Variants in ZFP41 observed in about 807,000 individuals in gnomAD.
ZFP41 encodes the protein ZFP41 zinc finger protein, also known as zinc finger protein 41 homolog.
ZFP41 carries 10 observed loss-of-function variants against 11.6 expected under a neutral mutation model. The ratio of observed to expected loss-of-function variants is 0.86; its 90% confidence interval spans 0.53 to 1.47. The LOEUF is 1.47. Ranked by LOEUF, ZFP41 falls within the 40% of genes most tolerant of loss-of-function variation. ZFP41 has a pLI of 0.00. For synonymous variants in ZFP41, 123 were observed against 100.9 expected (o/e 1.22, Z -1.31); for missense variants, 302 against 264.6 (o/e 1.14, Z -0.98).
chr8:143,250,221 C>T lies in ZFP41; in HGVS notation c.378C>T (p.His126=). The T allele has an allele frequency of 1.9e-6, 3 of 1,614,060 alleles. No homozygotes were observed. Among genetic ancestry groups the T allele is most frequent in the Non-Finnish European group, 2.5e-6 (3 of 1,180,020 alleles). The change falls in exon 2 of 3, where the codon CAC becomes CAT. Residue 126 remains histidine, a synonymous_variant. Coordinates refer to ENST00000330701, the MANE Select transcript of ZFP41 (RefSeq NM_173832.6). ...KCAQCGKAFR[H]SSDVTKHQRT... Reference sequence around the variant, plus strand: ...CGCAGTGCGGGAAGGCCTTCCGGCACAGCTCTGACGTCACCAAACACCAGA... The same window carrying T: ...CGCAGTGCGGGAAGGCCTTCCGGCATAGCTCTGACGTCACCAAACACCAGA...
At chr8:143,255,162 C>T (rs968323314) in intron 2 of ZFP41, among the ~76,000 whole-genome samples, 22 of 152,144 alleles carry the variant, frequency 1.4e-4, no homozygotes, top group African/African-American at 5.1e-4. Context: ...AATCTGATGT[C>T]TTTGATTTCT....
chr8:143,252,368 C>T (rs758231270), intron 2 of ZFP41, among the ~76,000 whole-genome samples: 14 of 152,244 alleles, frequency 9.2e-5, no homozygotes, highest in Non-Finnish European at 1.3e-4. Context: ...GGCCCCACCC[C>T]GCCATGCCCC....
chr8:143,255,685 T>C (rs1160749076), intron 2 of ZFP41, among the ~76,000 whole-genome samples: 1 of 130,942 alleles, frequency 7.6e-6, no homozygotes, highest in African/African-American at 3.0e-5. Context: ...GTTAGTGAGA[T>C]CAGGGCTCGC....
intron 2 of ZFP41, among the ~76,000 whole-genome samples, chr8:143,253,959 G>GAATCCTCCCT (rs1271212678): frequency 1.6e-4 from 24 of 152,276 alleles, no homozygotes; most frequent in South Asian, 2.1e-4. Flanking sequence ...CTCATAAGGA[G>GAATCCTCCCT]CGTGCAACCT....
In ZFP41 at chr8:143,251,180, T is replaced by A. The variant is rs1814739314; in HGVS notation, c.*740T>A. Reference sequence around the variant, plus strand: ...ACCTGGATGGACTTGGGACAAAGGTTCCTCAGGACCTTGGACACCACCACC... The same window carrying A: ...ACCTGGATGGACTTGGGACAAAGGTACCTCAGGACCTTGGACACCACCACC... On this transcript the variant is annotated 3_prime_UTR_variant, in exon 2 of 3. Coordinates refer to ENST00000330701, the MANE Select transcript of ZFP41 (RefSeq NM_173832.6). 6.0e-6 allele frequency: 1 copy of A among 167,288 alleles called. No individual in the cohort carries two copies. The highest frequency in any genetic ancestry group is 2.4e-5 in the African/African-American group (1 of 41,474). 10.4% of individuals were successfully genotyped at this position (167,288 alleles called of 1,614,324 possible). A position where few individuals can be genotyped will look rare whatever the true frequency, so the allele number is the denominator to read the frequency against.
At position 143,260,384 on chromosome 8, in the gene ZFP41, GGGCTCCTGAC is replaced by G. The variant is rs1202765976; in HGVS notation, c.*1511_*1520del. 5 of 155,142 alleles carry G rather than the reference GGGCTCCTGAC, an allele frequency of 3.2e-5. No homozygotes were observed. The highest frequency in any genetic ancestry group is 1.2e-4 in the African/African-American group (5 of 41,466). The allele number at this position is 155,142 out of a possible 1,614,324, so 9.6% of individuals were successfully genotyped here. A position where few individuals can be genotyped will look rare whatever the true frequency, so the allele number is the denominator to read the frequency against. On this transcript the variant is annotated 3_prime_UTR_variant, in exon 3 of 3. Coordinates refer to ENST00000330701, the MANE Select transcript of ZFP41 (RefSeq NM_173832.6). ...TAGTGGGGCAGTGGGCGCGGGGCGG[GGGCTCCTGAC>G]TCCGGTGAGGTCACCCTGGAGGGGA...
At chr8:143,254,997 C>T (rs1814873229) in intron 2 of ZFP41, among the ~76,000 whole-genome samples, 1 of 152,114 alleles carries the variant, frequency 6.6e-6, no homozygotes, top group Admixed American at 6.5e-5. Context: ...TATTTAGGGC[C>T]AATAGGACGG....
At position 143,250,725 on chromosome 8, in the gene ZFP41, C is replaced by T. The variant is rs990609431; in HGVS notation, c.*285C>T. ...CATTTTCCAAGTTCCCGATGGCGAA[C>T]GGGGCTCAGCACCAGAGACCAGGGA... On this transcript the variant is annotated 3_prime_UTR_variant, in exon 2 of 3. Coordinates refer to ENST00000330701, the MANE Select transcript of ZFP41 (RefSeq NM_173832.6). 3 of 499,582 alleles carry T rather than the reference C, an allele frequency of 6.0e-6. No individual in the cohort carries two copies. The highest frequency in any genetic ancestry group is 1.1e-5 in the Non-Finnish European group (3 of 270,928). The allele number at this position is 499,582 out of a possible 1,614,324, so 30.9% of individuals were successfully genotyped here.
At position 143,249,705 on chromosome 8, in the gene ZFP41, G is replaced by T; in HGVS notation, c.-139G>T. ...TTCTCCCCAGCACCAAGAGGATGGT[G>T]GCCCTTGGCCTCCTGGTGCAGAGCA... is the stretch of plus-strand genomic sequence containing the variant. On this transcript the variant is annotated 5_prime_UTR_variant, in exon 2 of 3. Transcript: ENST00000330701. 1 of 1,353,448 alleles carries T rather than the reference G, an allele frequency of 7.4e-7. No individual in the cohort carries two copies. Among genetic ancestry groups the T allele is most frequent in the Non-Finnish European group, 9.8e-7 (1 of 1,024,094 alleles). 83.8% of individuals were successfully genotyped at this position (1,353,448 alleles called of 1,614,324 possible). A position where few individuals can be genotyped will look rare whatever the true frequency, so the allele number is the denominator to read the frequency against.
chr8:143,250,188 C>T lies in ZFP41; in HGVS notation c.345C>T (p.Phe115=). Residue 115 remains phenylalanine, a synonymous_variant, in exon 2 of 3, where the codon TTC becomes TTT. Transcript: ENST00000330701. Reference sequence around the variant, plus strand: ...GGGTCCACACTGGAGAGAAGCCCTTCAAGTGTGCGCAGTGCGGGAAGGCCT... The same window carrying T: ...GGGTCCACACTGGAGAGAAGCCCTTTAAGTGTGCGCAGTGCGGGAAGGCCT... The part of the protein sequence containing the change: ...HQRVHTGEKP[F]KCAQCGKAFR... The T allele has an allele frequency of 1.2e-6, 2 of 1,614,096 alleles. No individual in the cohort carries two copies. Among genetic ancestry groups the T allele is most frequent in the Non-Finnish European group, 1.7e-6 (2 of 1,180,036 alleles).
At chr8:143,253,790 A>G (rs1444949850) in intron 2 of ZFP41, among the ~76,000 whole-genome samples, 1 of 152,010 alleles carries the variant, frequency 6.6e-6, no homozygotes, top group African/African-American at 2.4e-5. Context: ...CACAGTAATG[A>G]GTGAGCTCTC....
chr8:143,256,068 A>T (rs111248327), intron 2 of ZFP41, among the ~76,000 whole-genome samples: 2 of 39,074 alleles, frequency 5.1e-5, no homozygotes, highest in Non-Finnish European at 4.3e-5. Flanking sequence ...ATCAGGGCTC[A>T]CCCCGCGTGC....
In ZFP41 at chr8:143,260,061, AATC is replaced by A. The variant is rs1815003617; in HGVS notation, c.*1188_*1190del. 6.5e-6 allele frequency: 1 copy of A among 153,666 alleles called. No individual in the cohort carries two copies. Among genetic ancestry groups the A allele is most frequent in the African/African-American group, 2.5e-5 (1 of 40,502 alleles). The allele number at this position is 153,666 out of a possible 1,614,324, so 9.5% of individuals were successfully genotyped here. ...AATCGTGCAGGGAAGCACCCTGTGA[AATC>A]GTGCAGGGAAGCACCCTGTGAAGTC... On this transcript the variant is annotated 3_prime_UTR_variant, in exon 3 of 3. Coordinates refer to ENST00000330701, the MANE Select transcript of ZFP41 (RefSeq NM_173832.6).
At chr8:143,253,682 T>A (rs930422122) in intron 2 of ZFP41, 1 of 152,214 alleles carries the variant, frequency 6.6e-6, no homozygotes, top group African/African-American at 2.4e-5. Context: ...CCCCTCCAGA[T>A]CTTATGTGGA....
intron 1 of ZFP41, 157 bp downstream of exon 1, chr8:143,247,299 C>G (rs1056683986): frequency 6.6e-6 from 1 of 152,274 alleles, no homozygotes; most frequent in Non-Finnish European, 1.5e-5. Flanking sequence ...TAGCTCTGCA[C>G]GTGGGCCGCG....
rs1255285238 is a variant in ZFP41, at chr8:143,249,823, A to T, written c.-21A>T. The T allele has an allele frequency of 6.4e-7, 1 of 1,557,314 alleles. No homozygotes were observed. The highest frequency in any genetic ancestry group is 2.3e-5 in the East Asian group (1 of 44,442). On this transcript the variant is annotated 5_prime_UTR_variant, in exon 2 of 3. Transcript: ENST00000330701. Reference sequence around the variant, plus strand: ...AGAGGTCAGCAGCCCCTTAGCCCTCACGCTTCCAAGGAACAGAATGATGGA... The same window carrying T: ...AGAGGTCAGCAGCCCCTTAGCCCTCTCGCTTCCAAGGAACAGAATGATGGA...
At chr8:143,259,609 G>GC (rs1209404777) in intron 2 of ZFP41, among the ~76,000 whole-genome samples, 166 bp from the exon 3 acceptor site, 9 of 151,236 alleles carry the variant, frequency 6.0e-5, no homozygotes, top group South Asian at 2.1e-4. Flanking sequence ...TGATCTTGAG[G>GC]CCCCCCCGCC....
At chr8:143,252,045 C>A (rs1814776561) in intron 2 of ZFP41, among the ~76,000 whole-genome samples, 1 of 152,256 alleles carries the variant, frequency 6.6e-6, no homozygotes, top group Admixed American at 6.5e-5. Context: ...CAGCCTCTCT[C>A]ATGCCCACTG....
At chr8:143,258,752 A>G (rs529323097) in intron 2 of ZFP41, among the ~76,000 whole-genome samples, 1 of 152,388 alleles carries the variant, frequency 6.6e-6, no homozygotes, top group Middle Eastern at 3.4e-3. Context: ...AGAAAAAAAC[A>G]TCCATGGCTC....
Sources: gnomAD v4.1 joint callset for allele counts (sites outside exome capture counted in the v4.1 genomes callset) on GRCh38, gnomAD v4.1.1 for gene constraint, MANE v1.5 for transcripts, NCBI Gene and HGNC (gene_info 2026-07-23, HGNC 2026-07-21) for gene names.